TTN: variants seen among roughly 807,000 people sequenced by gnomAD.
The protein encoded by TTN is connectin.
In TTN, 1,525 loss-of-function variants were observed where a neutral mutation model predicts 3,223.0. That is an observed-to-expected ratio of 0.47 (90% confidence interval 0.45 to 0.49). The LOEUF (loss-of-function observed/expected upper bound fraction) is 0.49. TTN is among the 20% of genes least tolerant of loss of function. The pLI, the probability that TTN is intolerant of heterozygous loss-of-function variation, is 0.00. For synonymous variants in TTN, 14,094 were observed against 15,161.0 expected, an observed-to-expected ratio of 0.93 and a Z score of 5.17; for missense variants, 40,786 against 43,424.0, an observed-to-expected ratio of 0.94 and a Z score of 5.40.
Position 178,580,185 on chromosome 2 carries a change from T to G in TTN, c.67102A>C (p.Lys22368Gln). The G allele has an allele frequency of 6.2e-7, 1 of 1,613,154 alleles. No individual in the cohort carries two copies. ...TCCCAGGTAACATAAGCAGAGTCTT[T>G]GGATATTTCCTTAACAGTCACATTG... Reference protein sequence around the residue: ...PVNVTVKEISKDSAYVTWEPP... With the variant: ...PVNVTVKEISQDSAYVTWEPP... The change falls in exon 318 of 363, where the codon AAA becomes CAA. Residue 22368 changes from lysine to glutamine, a missense_variant. Physicochemically the swap from Lys to Gln is moderately conservative, Grantham distance 53 (BLOSUM62 1). Coordinates refer to ENST00000589042, the MANE Select transcript of TTN (RefSeq NM_001267550.2).
chr2:178,552,553 G>A lies in TTN; in HGVS notation c.90347C>T (p.Thr30116Ile). 1 of 1,613,812 alleles carries A rather than the reference G, an allele frequency of 6.2e-7. No homozygotes were observed. The highest frequency in any genetic ancestry group is 8.5e-7 in the Non-Finnish European group (1 of 1,179,814). ...KNEKGLSDPV[T>I]IGPITVKELI... ...TTCTTTCACTGTAATTGGCCCAATA[G>A]TGACAGGATCACTCAGTCCTTTCTC... is the stretch of plus-strand genomic sequence containing the variant. Residue 30116 changes from threonine to isoleucine, a missense_variant, in exon 335 of 363, where the codon ACT (threonine) becomes ATT (isoleucine). By Grantham distance (89) the Thr-to-Ile change is moderately conservative. Coordinates refer to ENST00000589042, the MANE Select transcript of TTN (RefSeq NM_001267550.2).
Position 178,770,462 on chromosome 2 carries a change from T to C in TTN, c.8330A>G (p.Tyr2777Cys). The C allele has an allele frequency of 1.2e-6, 2 of 1,614,152 alleles. No individual in the cohort carries two copies. The highest frequency in any genetic ancestry group is 1.7e-6 in the Non-Finnish European group (2 of 1,180,014). Reference protein sequence around the residue: ...KNCAIVDESVYGFRLGRLGAS... With the variant: ...KNCAIVDESVCGFRLGRLGAS... ...TCCAAGCCTTCCAAGCCTGAAGCCA[T>C]AAACAGACTCATCCACGATGGCACA... is the stretch of plus-strand genomic sequence containing the variant. The change falls in exon 35 of 363, where the codon TAT becomes TGT. Residue 2777 changes from tyrosine (Y) to cysteine (C), a missense_variant. Transcript: ENST00000589042.
chr2:178,648,582 G>C, intron 213 of TTN, among the ~76,000 whole-genome samples: 1 of 152,002 alleles, frequency 6.6e-6, no homozygotes, highest in East Asian at 1.9e-4. Flanking sequence ...GCTAATTTTT[G>C]TATTTTTAGT....
In TTN at chr2:178,715,701, G is replaced by T; in HGVS notation, c.25713C>A (p.Cys8571Ter). The change falls in exon 89 of 363, where the codon TGC becomes TGA. Residue 8571 changes from cysteine (C) to a stop codon, truncating the protein, a stop_gained. Coordinates refer to ENST00000589042, the MANE Select transcript of TTN (RefSeq NM_001267550.2). LOFTEE classifies it high-confidence loss of function. The part of the protein sequence containing the change: ...VKQDEFTRYE[C>*]KIGGSPEIKV... The stretch of plus-strand genomic sequence containing the variant: ...TGATTTCTGGAGACCCACCGATTTT[G>T]CATTCATACCTTGTGAATTCATCCT... 6.2e-7 allele frequency: 1 copy of T among 1,608,402 alleles called. No homozygotes were observed. Among genetic ancestry groups the T allele is most frequent in the Non-Finnish European group, 8.5e-7 (1 of 1,176,978 alleles).
At chr2:178,801,483 G>C (rs2094058668) in intron 3 of TTN, among the ~76,000 whole-genome samples, 1 of 152,052 alleles carries the variant, frequency 6.6e-6, no homozygotes, top group Non-Finnish European at 1.5e-5. Flanking sequence ...CATCATTGAA[G>C]GTAAAGTTTA....
In TTN at chr2:178,729,125, A is replaced by G. The variant is rs1440373720; in HGVS notation, c.18913T>C (p.Leu6305=). 6.2e-7 allele frequency: 1 copy of G among 1,606,460 alleles called. No individual in the cohort carries two copies. The highest frequency in any genetic ancestry group is 2.2e-5 in the East Asian group (1 of 44,682). ...CTCTGAAAGGTGGCAGAACTTTTCAAAACAGTAGTGGTATTTTCTATCTTC... is the reference window on the plus strand; with the variant it reads ...CTCTGAAAGGTGGCAGAACTTTTCAGAACAGTAGTGGTATTTTCTATCTTC... ...IKKIENTTTV[L]KSSATFQSTV... is the part of the protein sequence containing the mutation. The change falls in exon 65 of 363, where the codon TTG becomes CTG. Residue 6305 remains leucine, a synonymous_variant. Coordinates refer to ENST00000589042, the MANE Select transcript of TTN (RefSeq NM_001267550.2).
In TTN at chr2:178,775,375, G is replaced by A. The variant is rs762045402; in HGVS notation, c.6489C>T (p.His2163=). The A allele has an allele frequency of 2.6e-5, 42 of 1,613,930 alleles. 1 individual carries two copies. Among genetic ancestry groups the A allele is most frequent in the African/African-American group, 5.3e-5 (4 of 74,920 alleles). The part of the protein sequence containing the change: ...AINIAGETSS[H]AFLLVQAKQL... ...AATTACCTTGGACAAGTAAGAATGC[G>A]TGACTGGAGGTTTCTCCAGCTATGT... The change falls in exon 28 of 363, where the codon CAC becomes CAT. Residue 2163 remains histidine (H), a synonymous_variant. Transcript: ENST00000589042.
Position 178,568,725 on chromosome 2 carries a change from C to T in TTN, c.77407G>A (p.Ala25803Thr). 1 of 1,613,212 alleles carries T rather than the reference C, an allele frequency of 6.2e-7. No individual in the cohort carries two copies. Among genetic ancestry groups the T allele is most frequent in the Non-Finnish European group, 8.5e-7 (1 of 1,179,498 alleles). ...ACCTGTACACTGTAACTACTGAATG[C>T]AGGTTTTACATCTGGCTCAATTACC... ...DLVIEPDVKP[A>T]FSSYSVQVGQ... is the part of the protein sequence containing the mutation. The change falls in exon 326 of 363, where the codon GCA (alanine) becomes ACA (threonine). Residue 25803 changes from alanine to threonine, a missense_variant. Coordinates refer to ENST00000589042, the MANE Select transcript of TTN (RefSeq NM_001267550.2).
chr2:178,778,521 C>T (rs1158341746), intron 24 of TTN: 1 of 336,824 alleles, frequency 3.0e-6, no homozygotes, highest in East Asian at 7.5e-5. Context: ...AGACAATTTT[C>T]ATAGATTCCC....
In TTN at chr2:178,567,750, G is replaced by A. The variant is rs373530641; in HGVS notation, c.78382C>T (p.Arg26128Cys). ...ATCCAACGACCATCAGGCAAATCACGTTTCTCTACAATGTAGCCTGTAATC... is the reference window on the plus strand; with the variant it reads ...ATCCAACGACCATCAGGCAAATCACATTTCTCTACAATGTAGCCTGTAATC... ...SMITGYIVEK[R>C]DLPDGRWMKA... Residue 26128 changes from arginine to cysteine, a missense_variant, in exon 326 of 363, where the codon CGT becomes TGT. Transcript: ENST00000589042. The A allele has an allele frequency of 2.5e-5, 40 of 1,612,852 alleles. No individual in the cohort carries two copies. Among genetic ancestry groups the A allele is most frequent in the Non-Finnish European group, 2.7e-5 (32 of 1,179,232 alleles).
Position 178,531,290 on chromosome 2 carries a change from A to T in TTN, c.105325T>A (p.Leu35109Ile). 1 of 1,613,948 alleles carries T rather than the reference A, an allele frequency of 6.2e-7. No homozygotes were observed. Among genetic ancestry groups the T allele is most frequent in the Non-Finnish European group, 8.5e-7 (1 of 1,179,858 alleles). The change falls in exon 358 of 363, where the codon TTA becomes ATA. Residue 35109 changes from leucine (L) to isoleucine (I), a missense_variant. By Grantham distance (5) the Leu-to-Ile change is conservative. Transcript: ENST00000589042. ...TTTTCTTCCAGTGACTTTTCTTCTAATGCAGCACTTTTCATTTCTGCAGAT... is the reference window on the plus strand; with the variant it reads ...TTTTCTTCCAGTGACTTTTCTTCTATTGCAGCACTTTTCATTTCTGCAGAT... ...SASAEMKSAA[L>I]EEKSLEEKST...
rs755764408 is a variant in TTN at position 178,732,494 on chromosome 2, T to C, written c.16567A>G (p.Lys5523Glu). The part of the protein sequence containing the change: ...KTSDSGTYTC[K>E]VSNVAGGVEC... ...ACCCCTCCAGCGACATTGCTGACTT[T>C]ACATGTGTACGTGCCCGAATCAGAG... The change falls in exon 56 of 363, where the codon AAA (lysine) becomes GAA (glutamate). Residue 5523 changes from lysine (K) to glutamate (E), a missense_variant. Coordinates refer to ENST00000589042, the MANE Select transcript of TTN (RefSeq NM_001267550.2). 6.2e-7 allele frequency: 1 copy of C among 1,613,642 alleles called. No individual in the cohort carries two copies. The highest frequency in any genetic ancestry group is 2.2e-5 in the East Asian group (1 of 44,842).
At position 178,535,857 on chromosome 2, in the gene TTN, A is replaced by AT. The variant is rs2154136969; in HGVS notation, c.100766-9_100766-8insA. 3 of 1,482,054 alleles carry AT rather than the reference A, an allele frequency of 2.0e-6. No homozygotes were observed. The highest frequency in any genetic ancestry group is 2.7e-6 in the Non-Finnish European group (3 of 1,117,358). 91.8% of individuals were successfully genotyped at this position (1,482,054 alleles called of 1,614,324 possible). ...AGTGTATCTTAGCTGGAACTGTATC[A>AT]GAAAAAAAAAAAAAAAGAATATAAT... On this transcript the variant is annotated splice_polypyrimidine_tract_variant and intron_variant, in intron 357 of 362. Coordinates refer to ENST00000589042, the MANE Select transcript of TTN (RefSeq NM_001267550.2).
chr2:178,604,122 G>T lies in TTN; in HGVS notation c.54565C>A (p.Pro18189Thr), dbSNP rs2054184050. 2 of 1,612,416 alleles carry T rather than the reference G, an allele frequency of 1.2e-6. No homozygotes were observed. Among genetic ancestry groups the T allele is most frequent in the Admixed American group, 1.7e-5 (1 of 59,938 alleles). The change falls in exon 282 of 363, where the codon CCT (proline) becomes ACT (threonine). Residue 18189 changes from proline (P) to threonine (T), a missense_variant. Pro to Thr is a conservative substitution (Grantham distance 38). Transcript: ENST00000589042. The stretch of plus-strand genomic sequence containing the variant: ...GGAGAGCCACCATTGTCCAAAGGAG[G>T]AGTCCAGCTCACTAGCATTGATCCT... The part of the protein sequence containing the change: ...TKGSMLVSWT[P>T]PLDNGGSPIT...
At chr2:178,527,330 A>G in intron 362 of TTN, 23 bp from the exon 363 acceptor site, 1 of 1,576,236 alleles carries the variant, frequency 6.3e-7, no homozygotes, top group Non-Finnish European at 8.6e-7. Context: ...ATGACAAAAA[A>G]AAGGTCTTAG....
intron 40 of TTN, among the ~76,000 whole-genome samples, chr2:178,767,463 T>C (rs1004734667): frequency 1.1e-4 from 16 of 152,238 alleles, no homozygotes; most frequent in Non-Finnish European, 2.9e-5. Context: ...ACGATTTACA[T>C]TTTAATTCTT....
chr2:178,731,796 G>C lies in TTN; in HGVS notation c.17079C>G (p.Ser5693Arg), dbSNP rs372588069. 2 of 1,613,806 alleles carry C rather than the reference G, an allele frequency of 1.2e-6. No individual in the cohort carries two copies. The highest frequency in any genetic ancestry group is 1.7e-6 in the Non-Finnish European group (2 of 1,179,776). The change falls in exon 58 of 363, where the codon AGC (serine) becomes AGG (arginine). Residue 5693 changes from serine (S) to arginine (R), a missense_variant. Ser to Arg is a moderately radical substitution (Grantham distance 110, BLOSUM62 -1). Transcript: ENST00000589042. ...YKTFIQDHLV[S>R]LQILKFVAAD... ...CAGCTACAAACTTGAGGATCTGCAG[G>C]CTAACCAGATGATCCTGAATGAAAG...
At chr2:178,746,504 G>A (rs2083601144) in intron 47 of TTN, 1 of 1,612,966 alleles carries the variant, frequency 6.2e-7, no homozygotes, top group African/African-American at 1.3e-5. Flanking sequence ...TGATGATGTG[G>A]TGTGTTCCAA....
At chr2:178,804,059 G>A (rs2094195922) in intron 2 of TTN, among the ~76,000 whole-genome samples, 1 of 152,208 alleles carries the variant, frequency 6.6e-6, no homozygotes, top group Admixed American at 6.5e-5. Context: ...ATAAAATAAT[G>A]AGGAGTTGGT....
Sources: gnomAD v4.1 joint callset for allele counts (sites outside exome capture counted in the v4.1 genomes callset) on GRCh38, gnomAD v4.1.1 for gene constraint, MANE v1.5 for transcripts, NCBI Gene and HGNC (gene_info 2026-07-23, HGNC 2026-07-21) for gene names.